Variants in CLEC16A observed in about 807,000 individuals in gnomAD.
CLEC16A encodes C-type lectin domain containing 16A.
In CLEC16A, 51 loss-of-function variants were observed where a neutral mutation model predicts 109.5. The ratio of observed to expected loss-of-function variants is 0.47; its 90% CI spans 0.37 to 0.59. CLEC16A has a LOEUF of 0.59. CLEC16A is among the 20% of genes least tolerant of loss of function. The pLI is 0.00. For synonymous variants in CLEC16A, 673 were observed against 564.2 expected (o/e 1.19, Z -2.73); for missense variants, 1,339 against 1,394.0 (o/e 0.96, Z 0.63).
intron 17 of CLEC16A, among the ~76,000 whole-genome samples, chr16:11,050,614 G>A (rs2047887992): frequency 6.6e-6 from 1 of 152,246 alleles, no homozygotes; most frequent in Admixed American, 6.5e-5. Flanking sequence ...TGGGAGAGGT[G>A]GCAGGGAGGG....
chr16:11,068,369 T>C (rs1418029142), intron 19 of CLEC16A, among the ~76,000 whole-genome samples: 2 of 152,212 alleles, frequency 1.3e-5, no homozygotes, highest in Non-Finnish European at 2.9e-5. Context: ...GGATATTTTA[T>C]CGTAAAAACC....
chr16:11,165,343 T>A (rs1199865827), intron 22 of CLEC16A, among the ~76,000 whole-genome samples: 3 of 149,714 alleles, frequency 2.0e-5, no homozygotes, highest in South Asian at 2.1e-4. Context: ...AAAAAAAAAA[T>A]TATTTGGGTA....
chr16:11,109,108 CAAAAAAAAAAA>C (rs33997945), intron 19 of CLEC16A, among the ~76,000 whole-genome samples: 3 of 58,254 alleles, frequency 5.1e-5, no homozygotes, highest in Non-Finnish European at 9.4e-5. Flanking sequence ...GAGACTGTCT[CAAAAAAAAAAA>C]AAAAAAAAAA....
chr16:11,043,720 C>T (rs192680751), intron 15 of CLEC16A, among the ~76,000 whole-genome samples: 1 of 151,984 alleles, frequency 6.6e-6, no homozygotes, highest in African/African-American at 2.4e-5. Flanking sequence ...CAAAAATTAG[C>T]CAGGCATGGT....
At chr16:11,007,996 C>A (rs1440168367) in intron 11 of CLEC16A, among the ~76,000 whole-genome samples, 1 of 152,032 alleles carries the variant, frequency 6.6e-6, no homozygotes, top group Non-Finnish European at 1.5e-5. Context: ...GTTCTCAACT[C>A]AATCTCCTGC....
intron 22 of CLEC16A, among the ~76,000 whole-genome samples, chr16:11,160,821 T>G (rs1735615877): frequency 1.3e-5 from 2 of 152,204 alleles, no homozygotes; most frequent in Admixed American, 1.3e-4. Context: ...GTCCCTAATG[T>G]GTGATTCATC....
rs565538988 is a variant in CLEC16A at position 11,034,577 on chromosome 16, C to T, written c.1538-5177C>T. On this transcript the variant is annotated intron_variant, in intron 13 of 23. Coordinates refer to ENST00000409790, the MANE Select transcript of CLEC16A (RefSeq NM_015226.3). ...GAATGAGTTAGTTGAGAGTTCCGCC[C>T]TCCACCCCTGTCCACGGGTGGACAG... Among the ~76,000 whole-genome samples the T allele has an allele frequency of 4.6e-5, 7 of 152,180 alleles. No individual in the cohort carries two copies. In the East Asian group the frequency reaches 1.4e-3, roughly 29 times the overall value.
chr16:11,079,377 C>G (rs575744883), intron 19 of CLEC16A, among the ~76,000 whole-genome samples: 4 of 152,340 alleles, frequency 2.6e-5, no homozygotes, highest in South Asian at 2.1e-4. Flanking sequence ...TGGCCTCCCC[C>G]AGTCCTCACA....
At chr16:11,128,645 T>C (rs1489841041) in intron 22 of CLEC16A, among the ~76,000 whole-genome samples, 1 of 152,220 alleles carries the variant, frequency 6.6e-6, no homozygotes, top group Non-Finnish European at 1.5e-5. Context: ...ACCAGAGCTG[T>C]GTCCTGAAGA....
In CLEC16A at chr16:11,180,433, A is replaced by G. The variant is rs892243233; in HGVS notation, c.*1743A>G. 1.3e-5 allele frequency: 2 copies of G among 152,470 alleles called. No homozygotes were observed. The highest frequency in any genetic ancestry group is 2.9e-5 in the Non-Finnish European group (2 of 68,214). The allele number at this position is 152,470 out of a possible 1,614,324, so 9.4% of individuals were successfully genotyped here. A position where few individuals can be genotyped will look rare whatever the true frequency, so the allele number is the denominator to read the frequency against. On this transcript the variant is annotated 3_prime_UTR_variant, in exon 24 of 24. Coordinates refer to ENST00000409790, the MANE Select transcript of CLEC16A (RefSeq NM_015226.3). Reference sequence around the variant, plus strand: ...GGGCAGAAACCCAAAGGAAGGACAAACCACGACCACCGTGGCCATCTGCAG... The same window carrying G: ...GGGCAGAAACCCAAAGGAAGGACAAGCCACGACCACCGTGGCCATCTGCAG...
At position 11,181,864 on chromosome 16, in the gene CLEC16A, G is replaced by T. The variant is rs200307896; in HGVS notation, c.*3174G>T. On this transcript the variant is annotated 3_prime_UTR_variant, in exon 24 of 24. Coordinates refer to ENST00000409790, the MANE Select transcript of CLEC16A (RefSeq NM_015226.3). ...GAGATGCACCGTTTTTTAAAAAGGCGTGGGGTGAACTGATTTTGATCTTCT... is the reference window on the plus strand; with the variant it reads ...GAGATGCACCGTTTTTTAAAAAGGCTTGGGGTGAACTGATTTTGATCTTCT... The T allele has an allele frequency of 6.5e-6, 1 of 152,684 alleles. No individual in the cohort carries two copies. Among genetic ancestry groups the T allele is most frequent in the Non-Finnish European group, 1.5e-5 (1 of 68,052 alleles). 9.5% of individuals were successfully genotyped at this position (152,684 alleles called of 1,614,324 possible).
chr16:11,117,183 G>C (rs1326733057), intron 19 of CLEC16A, among the ~76,000 whole-genome samples: 3 of 152,144 alleles, frequency 2.0e-5, no homozygotes, highest in Non-Finnish European at 4.4e-5. Flanking sequence ...CCAAAGGCAG[G>C]GGGGTGACAG....
chr16:11,111,845 T>A (rs201360656), intron 19 of CLEC16A, among the ~76,000 whole-genome samples: 1 of 152,276 alleles, frequency 6.6e-6, no homozygotes, highest in East Asian at 1.9e-4. Context: ...GGTAATGATA[T>A]GAAGTTTCCT....
intron 11 of CLEC16A, among the ~76,000 whole-genome samples, chr16:11,004,672 C>T (rs1348084762): frequency 6.6e-6 from 1 of 152,134 alleles, no homozygotes; most frequent in Admixed American, 6.5e-5. Context: ...CCTCCGCCAC[C>T]ACCTTGCTTG....
intron 19 of CLEC16A, among the ~76,000 whole-genome samples, chr16:11,093,836 G>C (rs1159922057): frequency 2.6e-5 from 4 of 152,290 alleles, no homozygotes; most frequent in African/African-American, 9.6e-5. Context: ...AGTTAGCAGG[G>C]ATGAGGTAGC....
intron 19 of CLEC16A, among the ~76,000 whole-genome samples, chr16:11,062,449 C>G (rs1468527068): frequency 6.6e-6 from 1 of 152,184 alleles, no homozygotes; most frequent in Non-Finnish European, 1.5e-5. Context: ...CGTTTCGTCT[C>G]CTGTAAAACG....
intron 13 of CLEC16A, among the ~76,000 whole-genome samples, chr16:11,030,430 T>C (rs190919614): frequency 6.6e-6 from 1 of 152,352 alleles, no homozygotes; most frequent in African/African-American, 2.4e-5. Flanking sequence ...TTTCCAACAT[T>C]TGGTGTGGCC....
intron 8 of CLEC16A, 106 bp downstream of exon 8, chr16:10,977,505 GTT>G: frequency 1.1e-6 from 1 of 916,004 alleles, no homozygotes; most frequent in Non-Finnish European, 1.6e-6. Context: ...CAGGACTGAG[GTT>G]TTTTTTTTGT....
intron 19 of CLEC16A, among the ~76,000 whole-genome samples, chr16:11,111,148 G>C (rs879627183): frequency 1.3e-5 from 2 of 152,060 alleles, no homozygotes; most frequent in Non-Finnish European, 2.9e-5. Context: ...CCTGGATGTA[G>C]CACTAAATTA....
Sources: gnomAD v4.1 joint callset for allele counts (sites outside exome capture counted in the v4.1 genomes callset) on GRCh38, gnomAD v4.1.1 for gene constraint, MANE v1.5 for transcripts, NCBI Gene and HGNC (gene_info 2026-07-23, HGNC 2026-07-21) for gene names.